The following MGAT4C variants were observed in gnomAD, a reference collection of about 807,000 sequenced individuals.
MGAT4C encodes the protein MGAT4 family member C.
Under a neutral mutation model 40.1 loss-of-function variants are expected in MGAT4C, and 19 were observed. The observed-to-expected ratio is 0.47, with a 90% CI of 0.33 to 0.70. The LOEUF (loss-of-function observed/expected upper bound fraction) is 0.70. Among genes scored for constraint, MGAT4C ranks in the 30% least tolerant of loss-of-function variants. The probability of loss-of-function intolerance (pLI) is 0.02; values close to 1 mark genes in which losing one functional copy is unlikely to be tolerated. For missense variants in MGAT4C, 491 were observed against 563.2 expected (o/e 0.87, Z 1.30); for synonymous variants, 181 against 187.1 (o/e 0.97, Z 0.27).
At chr12:86,266,040 G>A (rs975725998) in intron 4 of MGAT4C, among the ~76,000 whole-genome samples, 1 of 151,998 alleles carries the variant, frequency 6.6e-6, no homozygotes, top group African/African-American at 2.4e-5. Context: ...GCTTTTTCTA[G>A]AATTTTTAGG....
At chr12:86,212,542 G>A (rs1234431030) in intron 1 of MGAT4C, among the ~76,000 whole-genome samples, 1 of 151,806 alleles carries the variant, frequency 6.6e-6, no homozygotes, top group East Asian at 1.9e-4. Context: ...TCTTATTGGA[G>A]TCAGTTATAT....
intron 1 of MGAT4C, among the ~76,000 whole-genome samples, chr12:86,140,959 T>C (rs1882752390): frequency 6.6e-6 from 1 of 152,300 alleles, no homozygotes; most frequent in East Asian, 1.9e-4. Flanking sequence ...TTCCCTGCCA[T>C]TGATGCCATG....
intron 2 of MGAT4C, among the ~76,000 whole-genome samples, chr12:86,688,798 T>A (rs1044840655): frequency 6.6e-6 from 1 of 152,182 alleles, no homozygotes; most frequent in Non-Finnish European, 1.5e-5. Flanking sequence ...CAGTTCAACC[T>A]TAGTGAATCT....
chr12:86,754,972 CA>C (rs755160382), intron 1 of MGAT4C, among the ~76,000 whole-genome samples: 8 of 152,104 alleles, frequency 5.3e-5, no homozygotes, highest in Non-Finnish European at 1.2e-4. Context: ...CTTCACAACA[CA>C]ATGATGACTA....
intron 1 of MGAT4C, among the ~76,000 whole-genome samples, chr12:86,773,879 T>A (rs1951681646): frequency 6.6e-6 from 1 of 151,904 alleles, no homozygotes; most frequent in Admixed American, 6.6e-5. Context: ...TATAGATTAT[T>A]TTACATTAAT....
intron 1 of MGAT4C, among the ~76,000 whole-genome samples, chr12:86,213,538 A>AT (rs1208201809): frequency 1.3e-5 from 2 of 152,142 alleles, no homozygotes; most frequent in Non-Finnish European, 2.9e-5. Context: ...TGTAATAGCT[A>AT]TTTTTTTATT....
At chr12:86,743,878 T>TTAAG (rs1479416724) in intron 1 of MGAT4C, among the ~76,000 whole-genome samples, 2 of 151,546 alleles carry the variant, frequency 1.3e-5, no homozygotes, top group African/African-American at 4.8e-5. Context: ...TAAATTGTTA[T>TTAAG]TAAGTATTAA....
intron 1 of MGAT4C, among the ~76,000 whole-genome samples, chr12:86,225,945 C>A (rs942264323): frequency 2.6e-5 from 4 of 151,804 alleles, no homozygotes; most frequent in East Asian, 3.9e-4. Context: ...CTAGCCAAAG[C>A]AATCAGGCAA....
chr12:86,471,851 A>G (rs73191403), intron 2 of MGAT4C, among the ~76,000 whole-genome samples: 2,124 of 152,262 alleles, frequency 0.014, 26 homozygotes, highest in South Asian at 0.024. Context: ...GCTATGAACC[A>G]TGGAAGTGGA....
chr12:86,748,880 T>G (rs573262297), intron 1 of MGAT4C, among the ~76,000 whole-genome samples: 1 of 151,474 alleles, frequency 6.6e-6, no homozygotes, highest in South Asian at 2.1e-4. Context: ...CAATAGTTAT[T>G]AATATTTAAA....
intron 2 of MGAT4C, among the ~76,000 whole-genome samples, chr12:86,671,789 C>A (rs1021058318): frequency 5.3e-5 from 8 of 151,596 alleles, no homozygotes; most frequent in African/African-American, 1.9e-4. Context: ...AAATGGAGCA[C>A]CAAGATATAT....
chr12:86,028,662 A>G (rs2136895681), intron 2 of MGAT4C, among the ~76,000 whole-genome samples: 1 of 151,964 alleles, frequency 6.6e-6, no homozygotes, highest in East Asian at 1.9e-4. Flanking sequence ...GCTTTAGTAG[A>G]ACATCAAGAA....
chr12:86,355,987 G>C (rs1219113138), intron 3 of MGAT4C, among the ~76,000 whole-genome samples: 5 of 151,996 alleles, frequency 3.3e-5, no homozygotes, highest in African/African-American at 1.2e-4. Context: ...CAAAGAGGGG[G>C]TTGCATAAAT....
At chr12:86,150,737 T>G (rs1247676401) in intron 1 of MGAT4C, among the ~76,000 whole-genome samples, 1 of 152,122 alleles carries the variant, frequency 6.6e-6, no homozygotes, top group Non-Finnish European at 1.5e-5. Context: ...GGTTTATGGT[T>G]TATCACAGAG....
intron 3 of MGAT4C, among the ~76,000 whole-genome samples, chr12:86,396,261 G>A (rs190265802): frequency 6.6e-6 from 1 of 152,136 alleles, no homozygotes; most frequent in Non-Finnish European, 1.5e-5. Flanking sequence ...TATTTATTCT[G>A]GAGTGAAGCA....
At chr12:86,474,411 A>C (rs10858430) in intron 2 of MGAT4C, among the ~76,000 whole-genome samples, 130,545 of 144,670 alleles carry the variant, frequency 0.9, 59,059 homozygotes, top group East Asian at 1. Context: ...AGGAGATATA[A>C]CTAATGCTAA....
chr12:86,161,820 A>T (rs1161790791), intron 1 of MGAT4C, among the ~76,000 whole-genome samples: 1 of 152,306 alleles, frequency 6.6e-6, no homozygotes, highest in Non-Finnish European at 1.5e-5. Flanking sequence ...GAATAACCTC[A>T]TTAAAAAATG....
intron 1 of MGAT4C, among the ~76,000 whole-genome samples, chr12:86,793,767 G>C (rs969603898): frequency 5.3e-5 from 8 of 151,958 alleles, no homozygotes; most frequent in Admixed American, 3.9e-4. Flanking sequence ...ATTAAATTGT[G>C]AACAATAAAT....
chr12:86,399,829 C>A (rs764809962), intron 3 of MGAT4C, among the ~76,000 whole-genome samples: 4 of 152,134 alleles, frequency 2.6e-5, no homozygotes, highest in African/African-American at 4.8e-5. Flanking sequence ...CTTCACCTGG[C>A]TGATTATTTG....
Sources: allele counts gnomAD v4.1 joint callset (sites outside exome capture counted in the v4.1 genomes callset), GRCh38; gene constraint gnomAD v4.1.1; transcripts MANE v1.5; gene names NCBI Gene and HGNC (gene_info 2026-07-23, HGNC 2026-07-21).